The following CD46 variants were observed in gnomAD, a reference collection of about 807,000 sequenced individuals.
CD46 encodes the protein membrane cofactor protein.
In CD46, 30 loss-of-function variants were observed where a neutral mutation model predicts 53.3. The observed-to-expected ratio is 0.56, with a 90% CI of 0.42 to 0.76. CD46 has a LOEUF of 0.76. Among genes scored for constraint, CD46 ranks in the 30% least tolerant of loss-of-function variants. The pLI is 0.00. For synonymous variants in CD46, 142 were observed against 152.0 expected (o/e 0.93, Z 0.48); for missense variants, 409 against 463.0 (o/e 0.88, Z 1.07).
intron 10 of CD46, 40 bp downstream of exon 10, chr1:207,785,146 TTA>T: frequency 6.7e-7 from 1 of 1,482,776 alleles, no homozygotes; most frequent in Non-Finnish European, 9.4e-7. Flanking sequence ...AGTCAAAAAA[TTA>T]TTGTGAAGAC....
intron 8 of CD46, among the ~76,000 whole-genome samples, chr1:207,777,793 G>C (rs1658277415): frequency 6.6e-6 from 1 of 151,966 alleles, no homozygotes; most frequent in South Asian, 2.1e-4. Context: ...TATTTCTCTG[G>C]GTATATACCC....
At chr1:207,761,190 T>C in intron 4 of CD46, 59 bp from the exon 5 acceptor site, 1 of 1,115,536 alleles carries the variant, frequency 9.0e-7, no homozygotes, top group Non-Finnish European at 1.3e-6. Context: ...GACACAGAAA[T>C]TTTACTAATG....
chr1:207,778,723 G>A (rs887562189), intron 8 of CD46, among the ~76,000 whole-genome samples: 1 of 152,190 alleles, frequency 6.6e-6, no homozygotes, highest in Non-Finnish European at 1.5e-5. Flanking sequence ...GTAATGTGAT[G>A]CCTCCAGCTT....
intron 1 of CD46, among the ~76,000 whole-genome samples, chr1:207,755,383 G>A (rs118018221): frequency 1.3e-5 from 2 of 152,296 alleles, no homozygotes; most frequent in Middle Eastern, 3.4e-3. Context: ...GAGAGAATAC[G>A]TGAATTAAAA....
chr1:207,752,085 C>T lies in CD46; in HGVS notation c.-128C>T, dbSNP rs1306921358. 6 of 937,034 alleles carry T rather than the reference C, an allele frequency of 6.4e-6. No individual in the cohort carries two copies. Among genetic ancestry groups the T allele is most frequent in the Admixed American group, 3.4e-5 (2 of 58,986 alleles). 58.0% of individuals were successfully genotyped at this position (937,034 alleles called of 1,614,324 possible). Reference sequence around the variant, plus strand: ...CGGGCCACGCCCACCTGTCCTGCAGCACTGGATGCTTTGTGAGTTGGGGAT... The same window carrying T: ...CGGGCCACGCCCACCTGTCCTGCAGTACTGGATGCTTTGTGAGTTGGGGAT... On this transcript the variant is annotated 5_prime_UTR_variant, in exon 1 of 13. Coordinates refer to ENST00000367042, the MANE Select transcript of CD46 (RefSeq NM_172351.3). This position sits in a 1 kb window ranked among gnomAD's most constrained non-coding sequence, Gnocchi z 4.1.
rs117033361 is a variant in CD46, at chr1:207,784,896, A to G, written c.983-175A>G. Among the ~76,000 whole-genome samples, 232 of 152,330 alleles carry G rather than the reference A, an allele frequency of 1.5e-3. 12 individuals are homozygous for G. The East Asian group carries it at 0.04, about 26-fold the overall frequency. ...TGGGGGAAACTGCCTCCATGATTCA[A>G]TTACCTCTCATGGGGTCCCTCCCAC... On this transcript the variant is annotated intron_variant, in intron 9 of 12. Coordinates refer to ENST00000367042, the MANE Select transcript of CD46 (RefSeq NM_172351.3).
chr1:207,770,045 C>T (rs1046263664), intron 7 of CD46: 7 of 400,208 alleles, frequency 1.7e-5, no homozygotes, highest in African/African-American at 8.2e-5. Flanking sequence ...GGATTACAGG[C>T]GTGAGCCACC....
chr1:207,758,806 G>T (rs1258038811), intron 3 of CD46, among the ~76,000 whole-genome samples: 3 of 152,104 alleles, frequency 2.0e-5, no homozygotes, highest in Non-Finnish European at 2.9e-5. Context: ...TGCTTGCTAG[G>T]CACACCGAGG....
chr1:207,767,080 C>T lies in CD46; in HGVS notation c.741C>T (p.Tyr247=). ...TATCAGGATTTGGAAAAAAATTTTA[C>T]TACAAAGCAACAGTTATGTTTGAAT... ...KQISGFGKKF[Y]YKATVMFECD... Residue 247 remains tyrosine, a synonymous_variant, in exon 6 of 13, where the codon TAC becomes TAT. Transcript: ENST00000367042. 6.2e-7 allele frequency: 1 copy of T among 1,613,698 alleles called. No individual in the cohort carries two copies. Among genetic ancestry groups the T allele is most frequent in the Non-Finnish European group, 8.5e-7 (1 of 1,179,608 alleles).
At chr1:207,788,143 C>T (rs1659439214) in intron 11 of CD46, among the ~76,000 whole-genome samples, 1 of 152,044 alleles carries the variant, frequency 6.6e-6, no homozygotes, top group Admixed American at 6.6e-5. Flanking sequence ...TAAGATTCCT[C>T]ATCCATGTGT....
chr1:207,786,317 T>G (rs1335701665), intron 11 of CD46, among the ~76,000 whole-genome samples: 2 of 152,148 alleles, frequency 1.3e-5, no homozygotes, highest in African/African-American at 2.4e-5. Context: ...AGGGGTTAGA[T>G]CTATAAGGTA....
At position 207,752,106 on chromosome 1, in the gene CD46, G is replaced by C. The variant is rs902891671; in HGVS notation, c.-107G>C. On this transcript the variant is annotated 5_prime_UTR_variant, in exon 1 of 13. Coordinates refer to ENST00000367042, the MANE Select transcript of CD46 (RefSeq NM_172351.3). This position sits in a 1 kb window ranked among gnomAD's most constrained non-coding sequence, Gnocchi z 4.1. ...GCAGCACTGGATGCTTTGTGAGTTG[G>C]GGATTGTTGCGTCCCATATCTGGAC... is the stretch of plus-strand genomic sequence containing the variant. 1.1e-5 allele frequency: 12 copies of C among 1,045,978 alleles called. No individual in the cohort carries two copies. Among genetic ancestry groups the C allele is most frequent in the Middle Eastern group, 2.1e-4 (1 of 4,718 alleles). The allele number at this position is 1,045,978 out of a possible 1,614,324, so 64.8% of individuals were successfully genotyped here. A position where few individuals can be genotyped will look rare whatever the true frequency, so the allele number is the denominator to read the frequency against.
In CD46 at chr1:207,783,290, A is replaced by G; in HGVS notation, c.944-2A>G. The G allele has an allele frequency of 6.8e-7, 1 of 1,464,952 alleles. No individual in the cohort carries two copies. The highest frequency in any genetic ancestry group is 9.5e-7 in the Non-Finnish European group (1 of 1,047,420). The allele number at this position is 1,464,952 out of a possible 1,614,324, so 90.7% of individuals were successfully genotyped here. A position where few individuals can be genotyped will look rare whatever the true frequency, so the allele number is the denominator to read the frequency against. On this transcript the variant is annotated splice_acceptor_variant, in intron 8 of 12. Transcript: ENST00000367042. LOFTEE classifies it high-confidence loss of function. ...TAATCTATATTTCTTCTTTTTTCCT[A>G]GGATATCCTAAACCTGAGGAAGGAA... is the stretch of plus-strand genomic sequence containing the variant.
intron 9 of CD46, 45 bp from the exon 10 acceptor site, chr1:207,785,026 T>G: frequency 6.5e-7 from 1 of 1,533,584 alleles, no homozygotes; most frequent in Non-Finnish European, 9.0e-7. Context: ...AAATGCTATC[T>G]GGAGATCCAT....
chr1:207,757,280 GTGA>G, intron 2 of CD46, 78 bp downstream of exon 2: 1 of 1,247,124 alleles, frequency 8.0e-7, no homozygotes. Context: ...TTCCACTACG[GTGA>G]TGATGATTTT....
intron 5 of CD46, 64 bp from the exon 6 acceptor site, chr1:207,766,949 C>A: frequency 1.5e-6 from 2 of 1,326,500 alleles, no homozygotes; most frequent in Non-Finnish European, 2.2e-6. Flanking sequence ...GAAATTACTA[C>A]TTTGTACTAC....
chr1:207,752,306 T>G lies in CD46; in HGVS notation c.94T>G (p.Ser32Ala). 3 of 1,613,868 alleles carry G rather than the reference T, an allele frequency of 1.9e-6. No homozygotes were observed. Among genetic ancestry groups the G allele is most frequent in the Non-Finnish European group, 2.5e-6 (3 of 1,179,806 alleles). ...CATGGTGTTGCTGCTGTACTCCTTCTCCGGTAGGACCCCGGGGCGGGTTCG... is the reference window on the plus strand; with the variant it reads ...CATGGTGTTGCTGCTGTACTCCTTCGCCGGTAGGACCCCGGGGCGGGTTCG... Reference protein sequence around the residue: ...AAMVLLLYSFSDACEEPPTFE... With the variant: ...AAMVLLLYSFADACEEPPTFE... Residue 32 changes from serine to alanine, a missense_variant, in exon 1 of 13, where the codon TCC becomes GCC. Coordinates refer to ENST00000367042, the MANE Select transcript of CD46 (RefSeq NM_172351.3). This position sits in a 1 kb window ranked among gnomAD's most constrained non-coding sequence, Gnocchi z 4.1.
At position 207,752,117 on chromosome 1, in the gene CD46, G is replaced by C; in HGVS notation, c.-96G>C. 2 of 1,126,854 alleles carry C rather than the reference G, an allele frequency of 1.8e-6. No individual in the cohort carries two copies. Among genetic ancestry groups the C allele is most frequent in the Non-Finnish European group, 2.7e-6 (2 of 746,680 alleles). 69.8% of individuals were successfully genotyped at this position (1,126,854 alleles called of 1,614,324 possible). A position where few individuals can be genotyped will look rare whatever the true frequency, so the allele number is the denominator to read the frequency against. On this transcript the variant is annotated 5_prime_UTR_variant, in exon 1 of 13. Transcript: ENST00000367042. The surrounding 1 kb of genome is among the most constrained non-coding windows in gnomAD (Gnocchi z 4.1). ...TGCTTTGTGAGTTGGGGATTGTTGCGTCCCATATCTGGACCCAGAAGGGAC... is the reference window on the plus strand; with the variant it reads ...TGCTTTGTGAGTTGGGGATTGTTGCCTCCCATATCTGGACCCAGAAGGGAC...
intron 8 of CD46, among the ~76,000 whole-genome samples, chr1:207,771,509 G>A (rs894908711): frequency 6.6e-6 from 1 of 151,996 alleles, no homozygotes; most frequent in Non-Finnish European, 1.5e-5. Context: ...AGGTTTTCTT[G>A]TTGGGTTTTT....
Sources: allele counts gnomAD v4.1 joint callset (sites outside exome capture counted in the v4.1 genomes callset), GRCh38; gene constraint gnomAD v4.1.1; non-coding constraint Gnocchi (gnomAD v3.1); transcripts MANE v1.5; gene names NCBI Gene and HGNC (gene_info 2026-07-23, HGNC 2026-07-21).